The following ATXN1 variants were observed in gnomAD, a reference collection of about 807,000 sequenced individuals.
ATXN1 encodes ataxin 1.
Under a neutral mutation model 56.4 loss-of-function variants are expected in ATXN1, and 8 were observed. That is an observed-to-expected ratio of 0.14 (90% confidence interval 0.08 to 0.26). The LOEUF is 0.26. Ranked by LOEUF, ATXN1 falls within the 10% of genes least tolerant of loss-of-function variation. The probability of loss-of-function intolerance (pLI) is 1.00; values close to 1 mark genes in which losing one functional copy is unlikely to be tolerated. For missense variants in ATXN1, 987 were observed against 1,106.5 expected (o/e 0.89, Z 1.53); for synonymous variants, 514 against 494.6 (o/e 1.04, Z -0.52).
At chr6:16,502,452 T>C (rs1760903063) in intron 5 of ATXN1, among the ~76,000 whole-genome samples, 1 of 152,218 alleles carries the variant, frequency 6.6e-6, no homozygotes, top group Non-Finnish European at 1.5e-5. Flanking sequence ...CTAAAAATAA[T>C]GATATCCTTT....
intron 6 of ATXN1, among the ~76,000 whole-genome samples, chr6:16,477,604 T>C (rs1760352648): frequency 6.6e-6 from 1 of 152,196 alleles, no homozygotes; most frequent in Non-Finnish European, 1.5e-5. Context: ...TTCCCTTCCT[T>C]CTGCCTCCCT....
chr6:16,311,235 C>G (rs116016276), intron 7 of ATXN1, among the ~76,000 whole-genome samples: 1 of 152,128 alleles, frequency 6.6e-6, no homozygotes, highest in Non-Finnish European at 1.5e-5. Context: ...GTAAATTTTA[C>G]GAATAGTCAC....
At chr6:16,339,885 C>T (rs866966889) in intron 6 of ATXN1, among the ~76,000 whole-genome samples, 2 of 152,164 alleles carry the variant, frequency 1.3e-5, no homozygotes, top group Non-Finnish European at 2.9e-5. Flanking sequence ...TGGGTTCAAG[C>T]GATTCTCCTG....
At chr6:16,565,250 C>T (rs749966912) in intron 4 of ATXN1, among the ~76,000 whole-genome samples, 13 of 152,292 alleles carry the variant, frequency 8.5e-5, no homozygotes, top group Admixed American at 4.6e-4. Context: ...GTTTTTTCTG[C>T]TTCTCCACAC....
At chr6:16,714,026 T>G (rs1309129564) in intron 2 of ATXN1, among the ~76,000 whole-genome samples, 1 of 151,882 alleles carries the variant, frequency 6.6e-6, no homozygotes, top group East Asian at 1.9e-4. Context: ...CGTGGTGGTG[T>G]GCACCTCTAG....
At chr6:16,347,920 C>T (rs1022229400) in intron 6 of ATXN1, among the ~76,000 whole-genome samples, 4 of 152,174 alleles carry the variant, frequency 2.6e-5, no homozygotes, top group Non-Finnish European at 4.4e-5. Context: ...GCTGTTCACT[C>T]TTTGGATCTA....
intron 2 of ATXN1, among the ~76,000 whole-genome samples, chr6:16,719,068 A>G (rs1473707083): frequency 6.6e-6 from 1 of 152,216 alleles, no homozygotes; most frequent in Admixed American, 6.5e-5. Context: ...CCATGCACAC[A>G]ATGAGCACTT....
intron 2 of ATXN1, among the ~76,000 whole-genome samples, chr6:16,730,075 G>A (rs1436498385): frequency 6.6e-6 from 1 of 152,204 alleles, no homozygotes; most frequent in African/African-American, 2.4e-5. Context: ...TTGAGGTCAG[G>A]AGTTCAAGAC....
At chr6:16,407,102 G>A (rs1758701871) in intron 6 of ATXN1, among the ~76,000 whole-genome samples, 1 of 152,204 alleles carries the variant, frequency 6.6e-6, no homozygotes, top group South Asian at 2.1e-4. Flanking sequence ...GTTCACAGCG[G>A]CAGGAGACTA....
intron 2 of ATXN1, among the ~76,000 whole-genome samples, chr6:16,678,776 C>T (rs182043408): frequency 1.5e-3 from 235 of 152,260 alleles, no homozygotes; most frequent in African/African-American, 5.3e-3. Context: ...TGGCTCACGC[C>T]TGTAATCCCA....
At chr6:16,623,156 A>G (rs61131185) in intron 3 of ATXN1, among the ~76,000 whole-genome samples, 53,826 of 152,044 alleles carry the variant, frequency 0.35, 10,206 homozygotes, top group African/African-American at 0.5. Context: ...ATTAACACAA[A>G]TAAAGCTGTG....
At chr6:16,309,502 C>T (rs183762120) in intron 7 of ATXN1, among the ~76,000 whole-genome samples, 2 of 151,986 alleles carry the variant, frequency 1.3e-5, no homozygotes, top group Admixed American at 6.5e-5. Context: ...CTAACAGACA[C>T]ATAATTTGAA....
At chr6:16,696,655 T>C (rs1375670251) in intron 2 of ATXN1, among the ~76,000 whole-genome samples, 1 of 152,202 alleles carries the variant, frequency 6.6e-6, no homozygotes, top group Non-Finnish European at 1.5e-5. Flanking sequence ...CAAAAGTGAA[T>C]AATCATTGAG....
Position 16,654,072 on chromosome 6 carries a change from G to A in ATXN1, c.-489+3704C>T, listed in dbSNP as rs187149937. 5.7e-3 allele frequency among the ~76,000 whole-genome samples: 864 copies of A among 152,250 alleles called. 8 individuals are homozygous for A. Among genetic ancestry groups the A allele is most frequent in the Non-Finnish European group, 8.9e-3 (602 of 68,012 alleles). On this transcript the variant is annotated intron_variant, in intron 3 of 7. Coordinates refer to ENST00000436367, the MANE Select transcript of ATXN1 (RefSeq NM_001128164.2). ...TTTAATAAACATATCCAAGAGATTCGGAAGCAGGAGGTACTGGGATTAGAC... is the reference window on the plus strand; with the variant it reads ...TTTAATAAACATATCCAAGAGATTCAGAAGCAGGAGGTACTGGGATTAGAC...
intron 4 of ATXN1, among the ~76,000 whole-genome samples, chr6:16,552,535 T>C (rs991621001): frequency 4.6e-5 from 7 of 152,234 alleles, no homozygotes; most frequent in African/African-American, 1.7e-4. Context: ...GAAATTTCTC[T>C]TCTCTTTTCT....
rs550181623 is a variant in ATXN1, at chr6:16,647,395, G to A, written c.-489+10381C>T. Among the ~76,000 whole-genome samples the A allele has an allele frequency of 4.6e-5, 7 of 152,234 alleles. No individual in the cohort carries two copies. In the South Asian group the frequency reaches 8.3e-4, roughly 18 times the overall value. On this transcript the variant is annotated intron_variant, in intron 3 of 7. Coordinates refer to ENST00000436367, the MANE Select transcript of ATXN1 (RefSeq NM_001128164.2). Reference sequence around the variant, plus strand: ...TTACACAGCCATTAAGTGGAAGTTCGGTATTCAAACCCAGGAAGTTTGCCT... The same window carrying A: ...TTACACAGCCATTAAGTGGAAGTTCAGTATTCAAACCCAGGAAGTTTGCCT...
At chr6:16,497,018 T>A (rs759960047) in intron 5 of ATXN1, among the ~76,000 whole-genome samples, 1 of 152,192 alleles carries the variant, frequency 6.6e-6, no homozygotes, top group African/African-American at 2.4e-5. Context: ...CTTAATTGTT[T>A]TGTCGAATAA....
rs71769107 is a variant in ATXN1, at chr6:16,526,041, CTATATA to C, written c.-360-3359_-360-3354del. 7.0e-4 allele frequency among the ~76,000 whole-genome samples: 89 copies of C among 127,136 alleles called. 1 individual carries two copies. Among genetic ancestry groups the C allele is most frequent in the Non-Finnish European group, 9.3e-4 (57 of 61,434 alleles). The allele number at this position is 127,136 out of a possible 152,430, so 83.4% of individuals were successfully genotyped here. On this transcript the variant is annotated intron_variant, in intron 4 of 7. Coordinates refer to ENST00000436367, the MANE Select transcript of ATXN1 (RefSeq NM_001128164.2). ...TGTACACATACATATAGAAATAAAT[CTATATA>C]TATATATATATATATATACATACAT...
At chr6:16,603,571 G>C (rs915562277) in intron 3 of ATXN1, among the ~76,000 whole-genome samples, 8 of 152,190 alleles carry the variant, frequency 5.3e-5, no homozygotes, top group Non-Finnish European at 1.2e-4. Context: ...CCATAAATGG[G>C]GTGAGCTCGC....
Sources: allele counts gnomAD v4.1 joint callset (sites outside exome capture counted in the v4.1 genomes callset), GRCh38; gene constraint gnomAD v4.1.1; transcripts MANE v1.5; gene names NCBI Gene and HGNC (gene_info 2026-07-23, HGNC 2026-07-21).